Variants in NAPA observed in about 807,000 individuals in gnomAD.
NAPA encodes the protein alpha-soluble NSF attachment protein.
NAPA carries 18 observed loss-of-function variants against 48.0 expected under a neutral mutation model. The observed-to-expected ratio is 0.38, with a 90% CI of 0.26 to 0.56. NAPA has a LOEUF of 0.56. Among genes scored for constraint, NAPA ranks in the 20% least tolerant of loss-of-function variants. The probability of loss-of-function intolerance (pLI) is 0.77; values close to 1 mark genes in which losing one functional copy is unlikely to be tolerated. For missense variants in NAPA, 315 were observed against 385.0 expected (o/e 0.82, Z 1.52); for synonymous variants, 152 against 149.9 (o/e 1.01, Z -0.10).
intron 3 of NAPA, chr19:47,497,111 G>A (rs1228098874): frequency 8.3e-6 from 2 of 241,914 alleles, no homozygotes; most frequent in Non-Finnish European, 1.7e-5. Context: ...GGGCCACGCT[G>A]CAGAGGAGAG....
In NAPA at chr19:47,492,122, G is replaced by A. The variant is rs1025875557; in HGVS notation, c.562-3C>T. 5.0e-6 allele frequency: 8 copies of A among 1,612,802 alleles called. No individual in the cohort carries two copies. Among genetic ancestry groups the A allele is most frequent in the Non-Finnish European group, 6.8e-6 (8 of 1,179,132 alleles). Reference sequence around the variant, plus strand: ...CTGTCCATGGCATTGGTCCCCACCTGTAGCCATGGAGAAGTGGCACTGGTG... The same window carrying A: ...CTGTCCATGGCATTGGTCCCCACCTATAGCCATGGAGAAGTGGCACTGGTG... On this transcript the variant is annotated splice_region_variant and splice_polypyrimidine_tract_variant and intron_variant, in intron 7 of 10. Coordinates refer to ENST00000263354, the MANE Select transcript of NAPA (RefSeq NM_003827.4).
At position 47,488,264 on chromosome 19, in the gene NAPA, G is replaced by C; in HGVS notation, c.*24C>G. ...CTCTGAGCAGATGGGACAGGAAGAC[G>C]GGCACTGGGGGGCTGGGTGGGGCTT... On this transcript the variant is annotated 3_prime_UTR_variant, in exon 11 of 11. Transcript: ENST00000263354. The C allele has an allele frequency of 1.3e-6, 2 of 1,589,848 alleles. No homozygotes were observed. Among genetic ancestry groups the C allele is most frequent in the South Asian group, 2.2e-5 (2 of 90,384 alleles).
At chr19:47,491,963 A>G in intron 8 of NAPA, 52 bp downstream of exon 8, 2 of 1,528,918 alleles carry the variant, frequency 1.3e-6, no homozygotes, top group Non-Finnish European at 1.8e-6. Flanking sequence ...TGGCCTGGAG[A>G]TAAGCACATG....
Position 47,503,494 on chromosome 19 carries a change from G to T in NAPA, c.107C>A (p.Ser36Tyr). The T allele has an allele frequency of 6.2e-7, 1 of 1,614,104 alleles. No individual in the cohort carries two copies. Among genetic ancestry groups the T allele is most frequent in the Non-Finnish European group, 8.5e-7 (1 of 1,179,970 alleles). Residue 36 changes from serine (S) to tyrosine (Y), a missense_variant, in exon 2 of 11, where the codon TCC becomes TAC. Around this residue, in one of 3 missense-constraint regions of NAPA, gnomAD observed 173 missense variants for 213.5 expected, o/e 0.81. Coordinates refer to ENST00000263354, the MANE Select transcript of NAPA (RefSeq NM_003827.4). ...GATTTCGCATGCTTCCTCTATTTTG[G>T]ATGAGCCTCTGGGGAAAAAGGAAAG... The part of the protein sequence containing the change: ...SFFSGLFGGS[S>Y]KIEEACEIYA...
rs188596232 is a variant in NAPA, at chr19:47,493,953, C to A, written c.343-460G>T. Among the ~76,000 whole-genome samples the A allele has an allele frequency of 7.9e-4, 121 of 152,320 alleles. No homozygotes were observed. Among genetic ancestry groups the A allele is most frequent in the Admixed American group, 2.5e-3 (39 of 15,302 alleles). On this transcript the variant is annotated intron_variant, in intron 4 of 10. Coordinates refer to ENST00000263354, the MANE Select transcript of NAPA (RefSeq NM_003827.4). The surrounding 1 kb of genome is among the most constrained non-coding windows in gnomAD (Gnocchi z 6.4). ...CCTCTGCCCAAGAGTACCAGCTCTG[C>A]CCCCAGGCCAACACCTATCTGTCAG... is the stretch of plus-strand genomic sequence containing the variant.
At chr19:47,502,817 T>A (rs1252253356) in intron 2 of NAPA, among the ~76,000 whole-genome samples, 3 of 152,330 alleles carry the variant, frequency 2.0e-5, no homozygotes, top group Non-Finnish European at 2.9e-5. Context: ...GAAGCTATCC[T>A]GCCTCACTGG....
intron 1 of NAPA, chr19:47,507,060 T>A (rs1050169319): frequency 1.3e-5 from 2 of 152,356 alleles, no homozygotes; most frequent in African/African-American, 4.8e-5. Flanking sequence ...CCTCCTCTCC[T>A]GAGGGCCTGG....
intron 1 of NAPA, 123 bp from the exon 2 acceptor site, chr19:47,503,625 G>C (rs914410709): frequency 2.2e-6 from 2 of 891,080 alleles, no homozygotes; most frequent in Non-Finnish European, 3.6e-6. Flanking sequence ...TGTGAAGCCA[G>C]CTTCCCCCAG....
rs1366149203 is a variant in NAPA, at chr19:47,493,337, G to C, written c.420+79C>G. On this transcript the variant is annotated intron_variant, in intron 5 of 10. Transcript: ENST00000263354. The surrounding 1 kb of genome is among the most constrained non-coding windows in gnomAD (Gnocchi z 6.4). ...CCCCCTTCTCGGCACTCAGACACCA[G>C]AGGACTCCCCTGGTGGGAAGAAGAG... is the stretch of plus-strand genomic sequence containing the variant. 1.3e-6 allele frequency: 2 copies of C among 1,555,386 alleles called. No homozygotes were observed. Among genetic ancestry groups the C allele is most frequent in the African/African-American group, 2.7e-5 (2 of 73,692 alleles).
At position 47,491,618 on chromosome 19, in the gene NAPA, G is replaced by A. The variant is rs1345236687; in HGVS notation, c.666+397C>T. The A allele has an allele frequency of 2.3e-5, 4 of 172,236 alleles. No individual in the cohort carries two copies. The East Asian group carries it at 6.4e-4, about 28-fold the overall frequency. The allele number at this position is 172,236 out of a possible 1,614,324, so 10.7% of individuals were successfully genotyped here. On this transcript the variant is annotated intron_variant, in intron 8 of 10. Transcript: ENST00000263354. ...GCTACAGCTAAAGCCACGACAGCAG[G>A]AGTCACAAAGATCTGGAACACTGGG...
chr19:47,488,332 G>T lies in NAPA; in HGVS notation c.844C>A (p.Arg282Ser). 1.9e-6 allele frequency: 3 copies of T among 1,613,594 alleles called. No individual in the cohort carries two copies. Among genetic ancestry groups the T allele is most frequent in the Non-Finnish European group, 2.5e-6 (3 of 1,179,730 alleles). Reference protein sequence around the residue: ...LDQWLTTMLLRIKKTIQGDEE... With the variant: ...LDQWLTTMLLSIKKTIQGDEE... ...TCGCCCTGGATGGTCTTCTTGATGC[G>T]CAGCAGCATGGTGGTGAGCCACTGG... The change falls in exon 11 of 11, where the codon CGC (arginine) becomes AGC (serine). Residue 282 changes from arginine (R) to serine (S), a missense_variant. This residue lies in a region of NAPA where 137 missense variants were observed against 150.1 expected (regional missense o/e 0.91). Coordinates refer to ENST00000263354, the MANE Select transcript of NAPA (RefSeq NM_003827.4).
chr19:47,503,975 G>C (rs1354718145), intron 1 of NAPA, among the ~76,000 whole-genome samples: 4 of 152,182 alleles, frequency 2.6e-5, no homozygotes, highest in African/African-American at 9.7e-5. Context: ...TAAAGACCTT[G>C]CAGCCCTGGA....
rs909644075 is a variant in NAPA at position 47,514,986 on chromosome 19, G to A, written c.-46C>T. ...GCAAAGCGCCTGACCCTGACCCTGG[G>A]AAGACTCAGCCGCGGCCGGGCCGCG... is the stretch of plus-strand genomic sequence containing the variant. On this transcript the variant is annotated 5_prime_UTR_variant, in exon 1 of 11. Coordinates refer to ENST00000263354, the MANE Select transcript of NAPA (RefSeq NM_003827.4). 6.3e-7 allele frequency: 1 copy of A among 1,584,890 alleles called. No homozygotes were observed. The highest frequency in any genetic ancestry group is 8.6e-7 in the Non-Finnish European group (1 of 1,158,706).
chr19:47,513,846 C>CTTT (rs776314156), intron 1 of NAPA, among the ~76,000 whole-genome samples: 42 of 115,850 alleles, frequency 3.6e-4, no homozygotes, highest in Non-Finnish European at 5.4e-4. Flanking sequence ...TTCTTTCTTT[C>CTTT]TTTTTTTTTT....
chr19:47,514,831 C>G lies in NAPA; in HGVS notation c.98+12G>C. 2 of 1,612,908 alleles carry G rather than the reference C, an allele frequency of 1.2e-6. No individual in the cohort carries two copies. Among genetic ancestry groups the G allele is most frequent in the Non-Finnish European group, 1.7e-6 (2 of 1,179,184 alleles). On this transcript the variant is annotated intron_variant, in intron 1 of 10. Coordinates refer to ENST00000263354, the MANE Select transcript of NAPA (RefSeq NM_003827.4). ...GCCTAGGTCCCGGCCGACCCCTCAGCCCGGTTCTCACCCAAAGAGGCCAGA... is the reference window on the plus strand; with the variant it reads ...GCCTAGGTCCCGGCCGACCCCTCAGGCCGGTTCTCACCCAAAGAGGCCAGA...
intron 7 of NAPA, 73 bp downstream of exon 7, chr19:47,492,888 T>C (rs1329643098): frequency 6.9e-7 from 1 of 1,448,878 alleles, no homozygotes; most frequent in South Asian, 1.1e-5. Flanking sequence ...CAGAACAAGG[T>C]GCCGGGGCTT....
intron 7 of NAPA, 72 bp downstream of exon 7, chr19:47,492,889 G>T (rs772186087): frequency 2.1e-6 from 3 of 1,459,714 alleles, no homozygotes; most frequent in South Asian, 1.1e-5. Flanking sequence ...AGAACAAGGT[G>T]CCGGGGCTTA....
At chr19:47,507,029 C>G (rs1246879735) in intron 1 of NAPA, 3 of 152,258 alleles carry the variant, frequency 2.0e-5, no homozygotes, top group Non-Finnish European at 4.4e-5. Flanking sequence ...CAACAGTACA[C>G]GAAAGGAAAA....
At chr19:47,514,754 G>T (rs947927888) in intron 1 of NAPA, 89 bp downstream of exon 1, 1 of 1,286,860 alleles carries the variant, frequency 7.8e-7, no homozygotes, top group Non-Finnish European at 1.1e-6. Flanking sequence ...CTCGGCCCGA[G>T]CTCTGCGTGC....
Sources: allele counts gnomAD v4.1 joint callset (sites outside exome capture counted in the v4.1 genomes callset), GRCh38; gene constraint gnomAD v4.1.1; regional missense constraint gnomAD v4.1.1; non-coding constraint Gnocchi (gnomAD v3.1); transcripts MANE v1.5; gene names NCBI Gene and HGNC (gene_info 2026-07-23, HGNC 2026-07-21).